SASS6: variants seen among roughly 807,000 people sequenced by gnomAD.
SASS6 encodes the protein SAS-6 centriolar assembly protein, also known as spindle assembly abnormal protein 6 homolog.
In SASS6, 59 loss-of-function variants were observed where a neutral mutation model predicts 94.9. The observed-to-expected ratio is 0.62, with a 90% CI of 0.50 to 0.77. The LOEUF is 0.77. Among genes scored for constraint, SASS6 ranks in the 30% least tolerant of loss-of-function variants. The pLI is 0.00. For synonymous variants in SASS6, 264 were observed against 270.0 expected (o/e 0.98, Z 0.22); for missense variants, 698 against 734.1 (o/e 0.95, Z 0.57).
chr1:100,097,150 G>A (rs1652162769), intron 14 of SASS6, among the ~76,000 whole-genome samples: 1 of 152,092 alleles, frequency 6.6e-6, no homozygotes, highest in Non-Finnish European at 1.5e-5. Context: ...GTACTTCTAT[G>A]CATGTATTAG....
chr1:100,085,550 A>ATT lies in SASS6; in HGVS notation c.1852_1853insAA (p.Leu618GlnfsTer14). 6.2e-7 allele frequency: 1 copy of ATT among 1,611,532 alleles called. No homozygotes were observed. The highest frequency in any genetic ancestry group is 8.5e-7 in the Non-Finnish European group (1 of 1,177,880). On this transcript the variant is annotated frameshift_variant, in exon 16 of 17. Transcript: ENST00000287482. LOFTEE classifies it high-confidence loss of function. ...TCCCTGCTTACCTGAATTACTAAAT[A>ATT]GGTTCTGGCTGAGTCCGCGTAAAGG...
chr1:100,105,807 C>T lies in SASS6; in HGVS notation c.1505G>A (p.Ser502Asn). The change falls in exon 13 of 17, where the codon AGC becomes AAC. Residue 502 changes from serine (S) to asparagine (N), a missense_variant. Coordinates refer to ENST00000287482, the MANE Select transcript of SASS6 (RefSeq NM_194292.3). ...PSTTPPAHSSSNTIRSGISPN... is the reference protein window; with the variant it reads ...PSTTPPAHSSNNTIRSGISPN... ...AGAAATTCCACTTCTGATTGTGTTG[C>T]TGCTGGAATGTGCAGGCGGAGTAGT... The T allele has an allele frequency of 6.2e-7, 1 of 1,613,344 alleles. No individual in the cohort carries two copies. The highest frequency in any genetic ancestry group is 1.3e-5 in the African/African-American group (1 of 75,004).
chr1:100,105,984 T>C (rs1335055034), intron 12 of SASS6, 81 bp from the exon 13 acceptor site: 2 of 912,836 alleles, frequency 2.2e-6, no homozygotes, highest in African/African-American at 3.4e-5. Flanking sequence ...AAAAATTATA[T>C]TAAGATTTTT....
rs530019629 is a variant in SASS6, at chr1:100,131,860, C to T, written c.65+890G>A. ...GATCCTCATTACAAACACGTGAATA[C>T]GCAAAAGATTTCACACCTGATCCTC... On this transcript the variant is annotated intron_variant, in intron 1 of 16. Transcript: ENST00000287482. Among the ~76,000 whole-genome samples the T allele has an allele frequency of 3.1e-4, 47 of 152,242 alleles. No homozygotes were observed. In the East Asian group the frequency reaches 4.2e-3, roughly 14 times the overall value.
At position 100,106,875 on chromosome 1, in the gene SASS6, T is replaced by C. The variant is rs1053778256; in HGVS notation, c.1408+37A>G. Reference sequence around the variant, plus strand: ...TCTCAAAAAAATAAAAGAATAAAACTACAAACCTCATTTACATTAACACGT... The same window carrying C: ...TCTCAAAAAAATAAAAGAATAAAACCACAAACCTCATTTACATTAACACGT... On this transcript the variant is annotated intron_variant, in intron 12 of 16. Coordinates refer to ENST00000287482, the MANE Select transcript of SASS6 (RefSeq NM_194292.3). The C allele has an allele frequency of 4.4e-6, 4 of 899,758 alleles. No individual in the cohort carries two copies. The African/African-American group carries it at 6.7e-5, about 15-fold the overall frequency. 55.7% of individuals were successfully genotyped at this position (899,758 alleles called of 1,614,324 possible).
At chr1:100,119,616 T>C (rs1225218519) in intron 6 of SASS6, among the ~76,000 whole-genome samples, 2 of 152,164 alleles carry the variant, frequency 1.3e-5, no homozygotes, top group African/African-American at 4.8e-5. Context: ...GGGCCTGTGG[T>C]AGGTGATTGG....
intron 1 of SASS6, among the ~76,000 whole-genome samples, chr1:100,131,832 C>T (rs1655058213): frequency 6.6e-6 from 1 of 152,182 alleles, no homozygotes; most frequent in South Asian, 2.1e-4. Context: ...CGATTTCACA[C>T]CTGATCCTCA....
At chr1:100,085,480 C>T in intron 16 of SASS6, 46 bp from the exon 17 acceptor site, 1 of 1,559,124 alleles carries the variant, frequency 6.4e-7, no homozygotes, top group South Asian at 1.1e-5. Context: ...ATTAAGTCTT[C>T]ATACATTAAA....
intron 8 of SASS6, among the ~76,000 whole-genome samples, chr1:100,110,068 C>A (rs1047182927): frequency 1.3e-5 from 2 of 151,972 alleles, no homozygotes; most frequent in Admixed American, 1.3e-4. Flanking sequence ...CAGTAATCTG[C>A]TCTCAAGACC....
intron 14 of SASS6, among the ~76,000 whole-genome samples, chr1:100,091,452 C>A (rs1340982102): frequency 6.6e-6 from 1 of 151,586 alleles, no homozygotes; most frequent in African/African-American, 2.4e-5. Context: ...AGGATACAAT[C>A]CAAAATCACT....
At chr1:100,102,146 GAAGT>G (rs1652536999) in intron 14 of SASS6, among the ~76,000 whole-genome samples, 1 of 152,104 alleles carries the variant, frequency 6.6e-6, no homozygotes, top group Admixed American at 6.5e-5. Context: ...TGAGGAAAAA[GAAGT>G]AGGTAGAAGA....
intron 14 of SASS6, among the ~76,000 whole-genome samples, chr1:100,096,851 G>A (rs1570687316): frequency 6.6e-6 from 1 of 152,104 alleles, no homozygotes; most frequent in Admixed American, 6.6e-5. Flanking sequence ...TGTGGTGGCT[G>A]ATGCCTGTAA....
At chr1:100,087,747 T>TG (rs1408847103) in intron 15 of SASS6, among the ~76,000 whole-genome samples, 9 of 152,128 alleles carry the variant, frequency 5.9e-5, no homozygotes, top group African/African-American at 2.2e-4. Flanking sequence ...ATCAGAAAAA[T>TG]GGAGAGCTTC....
At chr1:100,099,765 CACT>C (rs1174183199) in intron 14 of SASS6, among the ~76,000 whole-genome samples, 2 of 152,182 alleles carry the variant, frequency 1.3e-5, no homozygotes, top group Non-Finnish European at 2.9e-5. Flanking sequence ...CTCTCCACTC[CACT>C]ACTATTTTGT....
intron 2 of SASS6, among the ~76,000 whole-genome samples, chr1:100,123,972 A>G (rs1156391758): frequency 6.6e-6 from 1 of 152,244 alleles, no homozygotes; most frequent in East Asian, 1.9e-4. Context: ...TATGTACCAG[A>G]GAACACTGGT....
chr1:100,122,535 T>C (rs1267225311), intron 3 of SASS6, 51 bp from the exon 4 acceptor site: 2 of 721,098 alleles, frequency 2.8e-6, no homozygotes, highest in Non-Finnish European at 4.5e-6. Flanking sequence ...ATTAACTTTG[T>C]TTTGTTTTGG....
intron 1 of SASS6, 144 bp from the exon 2 acceptor site, chr1:100,126,086 C>T (rs1166538218): frequency 7.2e-6 from 4 of 556,894 alleles, no homozygotes; most frequent in East Asian, 3.1e-5. Flanking sequence ...AAAAGCACAC[C>T]GGATTTGAAG....
intron 8 of SASS6, among the ~76,000 whole-genome samples, chr1:100,108,517 G>A (rs1172734518): frequency 6.6e-6 from 1 of 151,748 alleles, no homozygotes; most frequent in Non-Finnish European, 1.5e-5. Flanking sequence ...AACAATAATT[G>A]TTCATTAAAA....
intron 14 of SASS6, among the ~76,000 whole-genome samples, chr1:100,094,581 T>C (rs546276983): frequency 2.0e-5 from 3 of 152,054 alleles, no homozygotes; most frequent in Admixed American, 6.6e-5. Flanking sequence ...AGCTGGGTGT[T>C]GGGGCTCACA....
Sources: gnomAD v4.1 joint callset for allele counts (sites outside exome capture counted in the v4.1 genomes callset) on GRCh38, gnomAD v4.1.1 for gene constraint, MANE v1.5 for transcripts, NCBI Gene and HGNC (gene_info 2026-07-23, HGNC 2026-07-21) for gene names.